The following APLP2 variants were observed in gnomAD, a reference collection of about 807,000 sequenced individuals.
APLP2 encodes the protein CDEI box-binding protein.
APLP2 carries 53 observed loss-of-function variants against 89.9 expected under a neutral mutation model. That is an observed-to-expected ratio of 0.59 (90% CI 0.47 to 0.74). The LOEUF is 0.74. APLP2 is among the 30% of genes least tolerant of loss of function. The pLI is 0.00. For synonymous variants in APLP2, 372 were observed against 348.6 expected, an observed-to-expected ratio of 1.07 and a Z score of -0.75; for missense variants, 973 against 975.9, an observed-to-expected ratio of 1.00 and a Z score of 0.04.
Position 130,143,538 on chromosome 11 carries a change from C to T in APLP2, c.*90C>T. ...ATCGACTGCCAAGCAGCAGCCGCTG[C>T]CAGGGGCTGCGTCTGACATCCTGAC... On this transcript the variant is annotated 3_prime_UTR_variant, in exon 17 of 17. Coordinates refer to ENST00000338167, the MANE Select transcript of APLP2 (RefSeq NM_001142276.2). The T allele has an allele frequency of 1.6e-5, 18 of 1,094,480 alleles. No homozygotes were observed. The highest frequency in any genetic ancestry group is 2.5e-5 in the Non-Finnish European group (18 of 718,646). 67.8% of individuals were successfully genotyped at this position (1,094,480 alleles called of 1,614,324 possible).
Position 130,110,681 on chromosome 11 carries a change from T to A in APLP2, c.403+20T>A. On this transcript the variant is annotated intron_variant, in intron 3 of 16. Transcript: ENST00000338167. ...GTCTCGGTGAGTGTTCTTGGTTACT[T>A]TTCAGGAAGTGCCAGCCCCCTCCCA... is the stretch of plus-strand genomic sequence containing the variant. The A allele has an allele frequency of 1.3e-6, 2 of 1,597,464 alleles. No homozygotes were observed. The highest frequency in any genetic ancestry group is 1.7e-6 in the Non-Finnish European group (2 of 1,174,574).
At chr11:130,107,283 C>G (rs951866398) in intron 1 of APLP2, among the ~76,000 whole-genome samples, 1 of 152,170 alleles carries the variant, frequency 6.6e-6, no homozygotes, top group Non-Finnish European at 1.5e-5. Context: ...TTAGCTTTTA[C>G]GAGGACAGAC....
chr11:130,094,757 G>A (rs753520332), intron 1 of APLP2, among the ~76,000 whole-genome samples: 3 of 152,224 alleles, frequency 2.0e-5, no homozygotes, highest in Non-Finnish European at 4.4e-5. Context: ...AAAACAGGAA[G>A]TTGAGAAAGA....
chr11:130,082,279 GT>G (rs1160284475), intron 1 of APLP2, among the ~76,000 whole-genome samples: 2 of 152,046 alleles, frequency 1.3e-5, no homozygotes, highest in Admixed American at 6.5e-5. Context: ...TGCCTCCCAG[GT>G]TCAAGCGATT....
intron 1 of APLP2, among the ~76,000 whole-genome samples, chr11:130,088,851 A>G (rs1944488341): frequency 6.6e-6 from 1 of 151,884 alleles, no homozygotes; most frequent in East Asian, 1.9e-4. Context: ...AGTCTCCCCC[A>G]GGTGGTTCTG....
At chr11:130,111,038 C>T (rs1038109830) in intron 3 of APLP2, among the ~76,000 whole-genome samples, 3 of 152,134 alleles carry the variant, frequency 2.0e-5, no homozygotes, top group Non-Finnish European at 4.4e-5. Flanking sequence ...ATCCCACACA[C>T]GTTTGCACCA....
intron 11 of APLP2, among the ~76,000 whole-genome samples, chr11:130,132,603 C>CT (rs1565598545): frequency 1.5e-4 from 21 of 136,068 alleles, no homozygotes; most frequent in Middle Eastern, 3.5e-3. Context: ...CTTCTAATGG[C>CT]CTTTTTTTTT....
At chr11:130,097,311 A>G (rs117909664) in intron 1 of APLP2, among the ~76,000 whole-genome samples, 4,288 of 152,294 alleles carry the variant, frequency 0.028, 79 homozygotes, top group Middle Eastern at 0.058. Context: ...TGTGAAAATC[A>G]TTTTGGCAAA....
chr11:130,121,872 C>A (rs753252729), intron 5 of APLP2, 62 bp downstream of exon 5: 4 of 1,565,940 alleles, frequency 2.6e-6, no homozygotes. Flanking sequence ...TCTGTAAAGA[C>A]GGCTGTTGGC....
At chr11:130,112,247 T>C (rs1245594383) in intron 3 of APLP2, among the ~76,000 whole-genome samples, 1 of 152,234 alleles carries the variant, frequency 6.6e-6, no homozygotes. Flanking sequence ...CTGGAAGTAA[T>C]TTACAGTTTC....
At chr11:130,130,191 C>T (rs1196164070) in intron 11 of APLP2, 25 bp downstream of exon 11, 2 of 1,614,168 alleles carry the variant, frequency 1.2e-6, no homozygotes, top group Non-Finnish European at 1.7e-6. Context: ...GTAGAAATTG[C>T]TGCCGTGAGG....
At chr11:130,132,058 CA>C (rs1950985009) in intron 11 of APLP2, among the ~76,000 whole-genome samples, 1 of 152,092 alleles carries the variant, frequency 6.6e-6, no homozygotes. Context: ...ATACTATAGC[CA>C]ATGGTTTGCT....
Position 130,098,498 on chromosome 11 carries a change from T to G in APLP2, c.106-10931T>G, listed in dbSNP as rs1946507590. Among the ~76,000 whole-genome samples the G allele has an allele frequency of 1.3e-5, 2 of 152,248 alleles. 1 individual carries two copies. Among genetic ancestry groups the G allele is most frequent in the South Asian group, 4.1e-4 (2 of 4,834 alleles). ...GAAAAGAGATCTAGTGAAGTCAATTTCAGATCTCTGACATTGGTTATTCAT... is the reference window on the plus strand; with the variant it reads ...GAAAAGAGATCTAGTGAAGTCAATTGCAGATCTCTGACATTGGTTATTCAT... On this transcript the variant is annotated intron_variant, in intron 1 of 16. Transcript: ENST00000338167.
chr11:130,124,649 A>G (rs771219292), intron 7 of APLP2, among the ~76,000 whole-genome samples: 2 of 152,208 alleles, frequency 1.3e-5, no homozygotes, highest in South Asian at 2.1e-4. Flanking sequence ...GAATTTGGCT[A>G]TAGCTTCTGA....
chr11:130,074,209 TG>T (rs1258877582), intron 1 of APLP2, among the ~76,000 whole-genome samples: 1 of 152,116 alleles, frequency 6.6e-6, no homozygotes, highest in Non-Finnish European at 1.5e-5. Context: ...TTGTTGTTGT[TG>T]TTGTTGTTTT....
chr11:130,110,451 G>T, intron 2 of APLP2, 87 bp from the exon 3 acceptor site: 1 of 1,516,642 alleles, frequency 6.6e-7, no homozygotes, highest in Non-Finnish European at 9.0e-7. Context: ...GGTGGAGGCT[G>T]AATAAACTTA....
intron 1 of APLP2, among the ~76,000 whole-genome samples, chr11:130,099,869 T>C: frequency 6.6e-6 from 1 of 152,186 alleles, no homozygotes; most frequent in East Asian, 1.9e-4. Context: ...ATGATGATGG[T>C]GATGCTAACG....
chr11:130,140,654 G>T, intron 14 of APLP2, 171 bp downstream of exon 14: 1 of 445,246 alleles, frequency 2.2e-6, no homozygotes, highest in Middle Eastern at 3.8e-4. Context: ...TTAGCATCTG[G>T]GTATGAAAAG....
intron 1 of APLP2, among the ~76,000 whole-genome samples, chr11:130,077,341 C>A (rs962187585): frequency 2.0e-5 from 3 of 152,084 alleles, no homozygotes. Context: ...GGAGATATTT[C>A]GCCTAGATAA....
Sources: gnomAD v4.1 joint callset for allele counts (sites outside exome capture counted in the v4.1 genomes callset) on GRCh38, gnomAD v4.1.1 for gene constraint, MANE v1.5 for transcripts, NCBI Gene and HGNC (gene_info 2026-07-23, HGNC 2026-07-21) for gene names.